The following NCKAP5 variants were observed in gnomAD, a reference collection of about 807,000 sequenced individuals.
The protein encoded by NCKAP5 is NCK associated protein 5, also known as nck-associated protein 5.
In NCKAP5, 92 loss-of-function variants were observed where a neutral mutation model predicts 167.0. The ratio of observed to expected loss-of-function variants is 0.55; its 90% CI spans 0.47 to 0.66. The LOEUF is 0.66. Among genes scored for constraint, NCKAP5 ranks in the 30% least tolerant of loss-of-function variants. NCKAP5 has a pLI of 0.00. For synonymous variants in NCKAP5, 891 were observed against 877.4 expected (o/e 1.02, Z -0.27); for missense variants, 2,378 against 2,315.0 (o/e 1.03, Z -0.56).
At chr2:132,786,285 T>C (rs1301014484) in intron 13 of NCKAP5, among the ~76,000 whole-genome samples, 1 of 152,176 alleles carries the variant, frequency 6.6e-6, no homozygotes, top group African/African-American at 2.4e-5. Context: ...TATGGCCTTA[T>C]TGCAGAGTGT....
chr2:132,718,651 C>T (rs757759547), intron 19 of NCKAP5, among the ~76,000 whole-genome samples: 1 of 152,158 alleles, frequency 6.6e-6, no homozygotes, highest in South Asian at 2.1e-4. Flanking sequence ...GAAGAAAGGT[C>T]CTTATTGTAT....
intron 1 of NCKAP5, among the ~76,000 whole-genome samples, chr2:133,563,660 C>T (rs1427432376): frequency 1.4e-5 from 2 of 146,066 alleles, no homozygotes; most frequent in African/African-American, 5.0e-5. Flanking sequence ...GCGTTAGACA[C>T]TTTGGAAAGA....
chr2:133,298,389 T>A (rs1391031778), intron 4 of NCKAP5, among the ~76,000 whole-genome samples: 1 of 152,172 alleles, frequency 6.6e-6, no homozygotes, highest in South Asian at 2.1e-4. Context: ...AGGCTTTGCT[T>A]CCTCAGCAGT....
In NCKAP5 at chr2:133,522,202, C is replaced by A. The variant is rs577932708; in HGVS notation, c.-61-4615G>T. Among the ~76,000 whole-genome samples, 129 of 152,294 alleles carry A rather than the reference C, an allele frequency of 8.5e-4. 1 individual carries two copies. The highest frequency in any genetic ancestry group is 2.9e-3 in the African/African-American group (121 of 41,560). ...AACAGCAGGTGACTGCAGGCTCCAGCAACTTCTGTGATTCCTCCAATAGAT... is the reference window on the plus strand; with the variant it reads ...AACAGCAGGTGACTGCAGGCTCCAGAAACTTCTGTGATTCCTCCAATAGAT... On this transcript the variant is annotated intron_variant, in intron 2 of 19. Coordinates refer to ENST00000409261, the MANE Select transcript of NCKAP5 (RefSeq NM_207363.3).
intron 6 of NCKAP5, among the ~76,000 whole-genome samples, chr2:133,008,590 AG>A (rs1181289952): frequency 6.6e-6 from 1 of 152,208 alleles, no homozygotes; most frequent in Non-Finnish European, 1.5e-5. Context: ...TGTTGGTAAA[AG>A]GATACTTCTA....
intron 5 of NCKAP5, among the ~76,000 whole-genome samples, chr2:133,135,050 T>C (rs139389135): frequency 4.6e-4 from 69 of 151,138 alleles, no homozygotes; most frequent in African/African-American, 1.6e-3. Context: ...CAAATGGACA[T>C]GGTTCCCGGC....
At chr2:132,801,492 C>A (rs548039466) in intron 11 of NCKAP5, among the ~76,000 whole-genome samples, 1 of 152,158 alleles carries the variant, frequency 6.6e-6, no homozygotes, top group Non-Finnish European at 1.5e-5. Context: ...ATGTCAACAG[C>A]GCAAGGTGAC....
chr2:133,181,603 CAAAAA>C lies in NCKAP5; in HGVS notation c.207+32108_207+32112del, dbSNP rs34264277. Among the ~76,000 whole-genome samples the C allele has an allele frequency of 1.4e-3, 97 of 71,146 alleles. 1 individual carries two copies. The highest frequency in any genetic ancestry group is 9.5e-3 in the South Asian group (16 of 1,692). 46.7% of individuals were successfully genotyped at this position (71,146 alleles called of 152,430 possible). A position where few individuals can be genotyped will look rare whatever the true frequency, so the allele number is the denominator to read the frequency against. The stretch of plus-strand genomic sequence containing the variant: ...GCAACATGGTAAATCCCCATCTCTA[CAAAAA>C]AAAAAAAAAAAAAAAAAAAATTAGC... On this transcript the variant is annotated intron_variant, in intron 5 of 19. Transcript: ENST00000409261.
At chr2:133,284,344 G>A (rs952299915) in intron 4 of NCKAP5, among the ~76,000 whole-genome samples, 10 of 151,992 alleles carry the variant, frequency 6.6e-5, no homozygotes, top group Non-Finnish European at 1.5e-5. Context: ...ACAGGAGGTA[G>A]AAGAAGTTGG....
At chr2:133,064,703 G>T (rs1051674080) in intron 6 of NCKAP5, among the ~76,000 whole-genome samples, 1 of 152,072 alleles carries the variant, frequency 6.6e-6, no homozygotes, top group Non-Finnish European at 1.5e-5. Context: ...CTTGGCATAA[G>T]GAATACTTAA....
intron 8 of NCKAP5, among the ~76,000 whole-genome samples, chr2:132,962,592 T>C (rs999161169): frequency 6.6e-6 from 1 of 150,892 alleles, no homozygotes; most frequent in Admixed American, 6.6e-5. Flanking sequence ...TCTTTTTGTT[T>C]TTTTGTTTGT....
intron 4 of NCKAP5, among the ~76,000 whole-genome samples, chr2:133,217,363 G>A (rs1207907856): frequency 6.6e-6 from 1 of 152,058 alleles, no homozygotes; most frequent in Non-Finnish European, 1.5e-5. Flanking sequence ...AAGCTACTTT[G>A]ATGCTAATGA....
intron 8 of NCKAP5, among the ~76,000 whole-genome samples, chr2:132,952,479 C>T (rs529902616): frequency 2.6e-5 from 4 of 152,272 alleles, no homozygotes; most frequent in East Asian, 3.9e-4. Context: ...TTACCTCACA[C>T]TAAGAATGTT....
chr2:132,782,952 A>G lies in NCKAP5; in HGVS notation c.3859T>C (p.Ser1287Pro), dbSNP rs1469372510. The G allele has an allele frequency of 2.5e-6, 4 of 1,613,902 alleles. No homozygotes were observed. Among genetic ancestry groups the G allele is most frequent in the Middle Eastern group, 1.6e-4 (1 of 6,062 alleles). Residue 1287 changes from serine to proline, a missense_variant, in exon 14 of 20, where the codon TCT becomes CCT. Coordinates refer to ENST00000409261, the MANE Select transcript of NCKAP5 (RefSeq NM_207363.3). ...CCTGACCCTTCGATGGGGGGCGTAG[A>G]AGGCTTGTCTCCTGAGTGTGTACTG... ...SFSTHSGDKP[S>P]TPPIEGSGKV...
chr2:133,672,108 AG>A, the NCKAP5 span, among the ~76,000 whole-genome samples: 3 of 152,240 alleles, frequency 2.0e-5, no homozygotes, highest in African/African-American at 7.2e-5. Context: ...TCTTTCAAAA[AG>A]CTCCTTTGAC....
intron 16 of NCKAP5, among the ~76,000 whole-genome samples, chr2:132,735,215 G>A (rs1427777906): frequency 6.6e-6 from 1 of 152,142 alleles, no homozygotes; most frequent in Non-Finnish European, 1.5e-5. Context: ...GATATGGTTT[G>A]GATCTGCGTC....
At chr2:133,026,091 T>C (rs1206690310) in intron 6 of NCKAP5, among the ~76,000 whole-genome samples, 4 of 152,226 alleles carry the variant, frequency 2.6e-5, no homozygotes, top group Non-Finnish European at 5.9e-5. Flanking sequence ...ATTTCTCTAA[T>C]GATCAGTGAT....
chr2:133,580,912 C>A, the NCKAP5 span, among the ~76,000 whole-genome samples: 1 of 152,202 alleles, frequency 6.6e-6, no homozygotes, highest in Non-Finnish European at 1.5e-5. Flanking sequence ...TAGCTCCAAA[C>A]TCAACAGCTA....
chr2:133,524,609 C>G (rs998698562), intron 2 of NCKAP5, among the ~76,000 whole-genome samples: 1 of 152,184 alleles, frequency 6.6e-6, no homozygotes, highest in Non-Finnish European at 1.5e-5. Flanking sequence ...CCCAAACCCA[C>G]GACCTCCTTT....
Sources: allele counts gnomAD v4.1 joint callset (sites outside exome capture counted in the v4.1 genomes callset), GRCh38; gene constraint gnomAD v4.1.1; transcripts MANE v1.5; gene names NCBI Gene and HGNC (gene_info 2026-07-23, HGNC 2026-07-21).